The following RBFOX1 variants were observed in gnomAD, a reference collection of about 807,000 sequenced individuals.
RBFOX1 encodes RNA binding fox-1 homolog 1.
Under a neutral mutation model 57.7 loss-of-function variants are expected in RBFOX1, and 8 were observed. That is an observed-to-expected ratio of 0.14 (90% CI 0.08 to 0.25). The LOEUF is 0.25. RBFOX1 is among the 10% of genes least tolerant of loss of function. The pLI is 1.00. For missense variants in RBFOX1, 611 were observed against 548.5 expected (o/e 1.11, Z -1.14); for synonymous variants, 326 against 222.4 (o/e 1.47, Z -4.15).
chr16:7,006,215 C>T (rs558386829), intron 3 of RBFOX1, among the ~76,000 whole-genome samples: 2 of 152,126 alleles, frequency 1.3e-5, no homozygotes, highest in African/African-American at 2.4e-5. Context: ...AGTGCAGTGG[C>T]ACGATCTCGG....
intron 2 of RBFOX1, among the ~76,000 whole-genome samples, chr16:6,356,920 A>G (rs2087427027): frequency 6.6e-6 from 1 of 152,180 alleles, no homozygotes. Flanking sequence ...TCTAAAAATG[A>G]AATAAGTCTA....
intron 3 of RBFOX1, among the ~76,000 whole-genome samples, chr16:5,790,180 A>G (rs2054642044): frequency 6.6e-6 from 1 of 152,232 alleles, no homozygotes; most frequent in Non-Finnish European, 1.5e-5. Context: ...TGGACCTGAA[A>G]GTGACAAATA....
At chr16:7,620,225 C>T (rs141741310) in intron 10 of RBFOX1, among the ~76,000 whole-genome samples, 1 of 152,296 alleles carries the variant, frequency 6.6e-6, no homozygotes, top group Non-Finnish European at 1.5e-5. Flanking sequence ...ATTTGCCAAA[C>T]ACTTTCATGC....
At chr16:5,615,537 G>T (rs985267860) in intron 3 of RBFOX1, among the ~76,000 whole-genome samples, 2 of 152,206 alleles carry the variant, frequency 1.3e-5, no homozygotes, top group Non-Finnish European at 2.9e-5. Context: ...GTGGTATTTT[G>T]ACAAGGCAGC....
chr16:5,645,327 T>A (rs575291008), intron 3 of RBFOX1, among the ~76,000 whole-genome samples: 8 of 152,114 alleles, frequency 5.3e-5, no homozygotes, highest in African/African-American at 1.9e-4. Context: ...GGCCACATAT[T>A]GTATGATTCC....
chr16:7,199,897 AAAAAC>A (rs1275627811), intron 4 of RBFOX1, among the ~76,000 whole-genome samples: 2 of 149,374 alleles, frequency 1.3e-5, no homozygotes, highest in Admixed American at 6.7e-5. Context: ...TCTATCTCAA[AAAAAC>A]AAAACAAAAC....
At chr16:5,625,717 T>C (rs928742911) in intron 3 of RBFOX1, among the ~76,000 whole-genome samples, 1 of 148,708 alleles carries the variant, frequency 6.7e-6, no homozygotes, top group Non-Finnish European at 1.5e-5. Context: ...ACCACCATGC[T>C]CAGCAAATTT....
chr16:6,917,633 G>T (rs772450534), intron 3 of RBFOX1, among the ~76,000 whole-genome samples: 10 of 152,190 alleles, frequency 6.6e-5, no homozygotes, highest in Non-Finnish European at 8.8e-5. Flanking sequence ...ACCGAAGTGG[G>T]AGTTAAGATG....
intron 4 of RBFOX1, among the ~76,000 whole-genome samples, chr16:7,145,712 T>A (rs1298638444): frequency 6.6e-6 from 1 of 152,156 alleles, no homozygotes; most frequent in Non-Finnish European, 1.5e-5. Context: ...ATTTAAAAAA[T>A]GTATCTTTAA....
intron 3 of RBFOX1, among the ~76,000 whole-genome samples, chr16:6,685,378 C>T (rs974955997): frequency 1.4e-5 from 2 of 146,984 alleles, no homozygotes; most frequent in South Asian, 4.3e-4. Flanking sequence ...CAGGTTCAAG[C>T]AATTCTCTTG....
chr16:5,366,519 G>C (rs13331386), intron 1 of RBFOX1: 1 of 429,524 alleles, frequency 2.3e-6, no homozygotes, highest in Non-Finnish European at 4.5e-6. Context: ...CTAAAACACC[G>C]AAAGGACCTA....
intron 4 of RBFOX1, among the ~76,000 whole-genome samples, chr16:7,241,420 A>T (rs2094052456): frequency 1.3e-5 from 2 of 152,202 alleles, no homozygotes; most frequent in Admixed American, 1.3e-4. Flanking sequence ...CAAATTATGC[A>T]TTCCAACGTC....
chr16:6,849,248 A>C (rs1467855866), intron 3 of RBFOX1, among the ~76,000 whole-genome samples: 4 of 152,210 alleles, frequency 2.6e-5, no homozygotes, highest in Admixed American at 6.5e-5. Flanking sequence ...ATACTGAGGA[A>C]GTCTTTCCGT....
At chr16:6,823,232 C>T (rs1024674979) in intron 3 of RBFOX1, among the ~76,000 whole-genome samples, 4 of 151,810 alleles carry the variant, frequency 2.6e-5, no homozygotes, top group Non-Finnish European at 4.4e-5. Context: ...CTTGGCCCAT[C>T]TGAAATTGTT....
chr16:6,977,535 T>G (rs1047917866), intron 3 of RBFOX1, among the ~76,000 whole-genome samples: 2 of 152,200 alleles, frequency 1.3e-5, no homozygotes, highest in Middle Eastern at 3.4e-3. Flanking sequence ...ATGGAGTCAC[T>G]GTAGTTCGAA....
intron 1 of RBFOX1, among the ~76,000 whole-genome samples, chr16:6,054,459 C>T (rs988764388): frequency 6.6e-6 from 1 of 152,130 alleles, no homozygotes; most frequent in Non-Finnish European, 1.5e-5. Context: ...CCTGTCTTTC[C>T]CACTTGACAG....
intron 3 of RBFOX1, among the ~76,000 whole-genome samples, chr16:6,958,194 C>T (rs2082260914): frequency 6.6e-6 from 1 of 152,166 alleles, no homozygotes; most frequent in Non-Finnish European, 1.5e-5. Context: ...AAAGTTGAGG[C>T]ACAGCATTTT....
At chr16:5,337,886 A>AT (rs1210138182) in intron 1 of RBFOX1, among the ~76,000 whole-genome samples, 1 of 152,154 alleles carries the variant, frequency 6.6e-6, no homozygotes, top group Admixed American at 6.5e-5. Flanking sequence ...TCTGCAAAAA[A>AT]TTAAAAAATT....
At chr16:7,190,526 T>G (rs1301671308) in intron 4 of RBFOX1, among the ~76,000 whole-genome samples, 1 of 152,026 alleles carries the variant, frequency 6.6e-6, no homozygotes, top group Non-Finnish European at 1.5e-5. Flanking sequence ...TACTCTGATC[T>G]CTATCTGATG....
Sources: gnomAD v4.1 joint callset for allele counts (sites outside exome capture counted in the v4.1 genomes callset) on GRCh38, gnomAD v4.1.1 for gene constraint, MANE v1.5 for transcripts, NCBI Gene and HGNC (gene_info 2026-07-23, HGNC 2026-07-21) for gene names.